The following IRS1 variants were observed in gnomAD, a reference collection of about 807,000 sequenced individuals.
IRS1 encodes the protein insulin receptor substrate 1.
IRS1 carries 34 observed loss-of-function variants against 65.6 expected under a neutral mutation model. The observed-to-expected ratio is 0.52, with a 90% CI of 0.39 to 0.69. The LOEUF (loss-of-function observed/expected upper bound fraction) is 0.69, where lower values mean the gene tolerates loss of function less well. Ranked by LOEUF, IRS1 falls within the 30% of genes least tolerant of loss-of-function variation. The pLI is 0.00. For missense variants in IRS1, 1,641 were observed against 1,720.2 expected (o/e 0.95, Z 0.81); for synonymous variants, 699 against 683.5 (o/e 1.02, Z -0.35).
chr2:226,796,978 C>G lies in IRS1; in HGVS notation c.1761G>C (p.Leu587=), dbSNP rs145193894. Residue 587 remains leucine (L), a synonymous_variant, in exon 1 of 2, where the codon CTG becomes CTC. Transcript: ENST00000305123. ...CCCGACGCTCCAAGGGGTGCATTTCCAGACCCTCCTCTGGGTAGGAGCGGG... is the reference window on the plus strand; with the variant it reads ...CCCGACGCTCCAAGGGGTGCATTTCGAGACCCTCCTCTGGGTAGGAGCGGG... ...VPTRSYPEEG[L]EMHPLERRGG... is the part of the protein sequence containing the mutation. 2.3e-5 allele frequency: 37 copies of G among 1,583,588 alleles called. No individual in the cohort carries two copies. In the African/African-American group the frequency reaches 4.8e-4, roughly 21 times the overall value.
At position 226,750,639 on chromosome 2, in the gene IRS1, G is replaced by A. The variant is rs144403832; in HGVS notation, c.*22-14389C>T. 2.6e-4 allele frequency among the ~76,000 whole-genome samples: 39 copies of A among 152,238 alleles called. 1 individual carries two copies. The East Asian group carries it at 7.5e-3, about 29-fold the overall frequency. ...GGTATTAGATTAATAAGAAGTTGAG[G>A]TACATAAATACTTGCTAAAATATTT... On this transcript the variant is annotated intron_variant, in intron 1 of 1. Coordinates refer to ENST00000305123, the MANE Select transcript of IRS1 (RefSeq NM_005544.3).
intron 1 of IRS1, among the ~76,000 whole-genome samples, chr2:226,786,844 A>C (rs77554968): frequency 1.9e-3 from 288 of 152,068 alleles, no homozygotes; most frequent in African/African-American, 6.7e-3. Context: ...ACAAACTTAA[A>C]AATAAACGTG....
rs1939672365 is a variant in IRS1, at chr2:226,794,665, T to G, written c.*21+324A>C. 6.6e-6 allele frequency among the ~76,000 whole-genome samples: 1 copy of G among 152,202 alleles called. No homozygotes were observed. The highest frequency in any genetic ancestry group is 2.1e-4 in the South Asian group (1 of 4,838). On this transcript the variant is annotated intron_variant, in intron 1 of 1. Coordinates refer to ENST00000305123, the MANE Select transcript of IRS1 (RefSeq NM_005544.3). The surrounding 1 kb of genome is among the most constrained non-coding windows in gnomAD (Gnocchi z 4.1). ...CCTAAATATATAGTGAAAAGAAAAC[T>G]TCAACAAACAAATCAAGCTTCTTAC...
chr2:226,768,633 T>C lies in IRS1; in HGVS notation c.*21+26356A>G, dbSNP rs573122770. Among the ~76,000 whole-genome samples the C allele has an allele frequency of 1.8e-4, 27 of 152,236 alleles. No individual in the cohort carries two copies. In the East Asian group the frequency reaches 3.7e-3, roughly 21 times the overall value. On this transcript the variant is annotated intron_variant, in intron 1 of 1. Transcript: ENST00000305123. ...GCTGACCTTAAAATTCATGTGAAACTAGGTTCTGGCTGTTACTAAACCAAT... is the reference window on the plus strand; with the variant it reads ...GCTGACCTTAAAATTCATGTGAAACCAGGTTCTGGCTGTTACTAAACCAAT...
In IRS1 at chr2:226,798,806, G is replaced by A; in HGVS notation, c.-68C>T. The A allele has an allele frequency of 1.3e-6, 2 of 1,557,516 alleles. No individual in the cohort carries two copies. Among genetic ancestry groups the A allele is most frequent in the African/African-American group, 1.4e-5 (1 of 73,398 alleles). Reference sequence around the variant, plus strand: ...AAAAACAACCGGGTGGGGGGCGGAGGCTCCTCGCCGCGGCCCGGCACATGC... The same window carrying A: ...AAAAACAACCGGGTGGGGGGCGGAGACTCCTCGCCGCGGCCCGGCACATGC... On this transcript the variant is annotated 5_prime_UTR_variant, in exon 1 of 2. Transcript: ENST00000305123. The surrounding 1 kb of genome is among the most constrained non-coding windows in gnomAD (Gnocchi z 9.4).
chr2:226,766,136 TATATATATATATATATATATA>T (rs1559151909), intron 1 of IRS1, among the ~76,000 whole-genome samples: 14 of 3,510 alleles, frequency 4.0e-3, no homozygotes, highest in Admixed American at 9.4e-3. Context: ...TATATATATA[TATATATATATATATATATATA>T]TATATATTTT....
At position 226,795,499 on chromosome 2, in the gene IRS1, G is replaced by T; in HGVS notation, c.3240C>A (p.Asn1080Lys). Reference sequence around the variant, plus strand: ...GGATCACTTTGGCACTCTGGTTGCGGTTAGGACTGAGGTTCACCCGGGTGA... The same window carrying T: ...GGATCACTTTGGCACTCTGGTTGCGTTTAGGACTGAGGTTCACCCGGGTGA... ...SAFTRVNLSP[N>K]RNQSAKVIRA... is the part of the protein sequence containing the mutation. The change falls in exon 1 of 2, where the codon AAC becomes AAA. Residue 1080 changes from asparagine to lysine, a missense_variant. This residue lies in a region of IRS1 where 1,324 missense variants were observed against 1,361.0 expected (regional missense o/e 0.97). Coordinates refer to ENST00000305123, the MANE Select transcript of IRS1 (RefSeq NM_005544.3). 1 of 1,613,496 alleles carries T rather than the reference G, an allele frequency of 6.2e-7. No individual in the cohort carries two copies. The highest frequency in any genetic ancestry group is 8.5e-7 in the Non-Finnish European group (1 of 1,180,018).
intron 1 of IRS1, among the ~76,000 whole-genome samples, chr2:226,739,951 C>T (rs898246107): frequency 1.3e-5 from 2 of 152,246 alleles, no homozygotes; most frequent in African/African-American, 2.4e-5. Flanking sequence ...CATAGGCGTA[C>T]ATATGTTTAA....
chr2:226,781,644 C>T (rs541135290), intron 1 of IRS1, among the ~76,000 whole-genome samples: 2 of 152,202 alleles, frequency 1.3e-5, no homozygotes, highest in Non-Finnish European at 2.9e-5. Flanking sequence ...GAGGCTAAAG[C>T]ACCAGCCATT....
In IRS1 at chr2:226,732,762, A is replaced by G. The variant is rs1938254695; in HGVS notation, c.*3510T>C. The G allele has an allele frequency of 1.3e-5, 2 of 151,640 alleles. No individual in the cohort carries two copies. Among genetic ancestry groups the G allele is most frequent in the Admixed American group, 1.3e-4 (2 of 15,196 alleles). The allele number at this position is 151,640 out of a possible 1,614,324, so 9.4% of individuals were successfully genotyped here. ...ACAGCATTACCTCCAACTAACATTC[A>G]TCATTCATGGCATCCTAGGAACATT... is the stretch of plus-strand genomic sequence containing the variant. On this transcript the variant is annotated 3_prime_UTR_variant, in exon 2 of 2. Coordinates refer to ENST00000305123, the MANE Select transcript of IRS1 (RefSeq NM_005544.3).
chr2:226,746,303 G>A (rs2106160423), intron 1 of IRS1, among the ~76,000 whole-genome samples: 1 of 152,252 alleles, frequency 6.6e-6, no homozygotes, highest in South Asian at 2.1e-4. Flanking sequence ...GGGGGTGGGG[G>A]CAGGGAATTG....
At chr2:226,736,799 A>G (rs1045178510) in intron 1 of IRS1, among the ~76,000 whole-genome samples, 4 of 152,224 alleles carry the variant, frequency 2.6e-5, no homozygotes, top group Middle Eastern at 3.2e-3. Context: ...ATTAAATAAG[A>G]AAACAAAAAG....
chr2:226,752,882 C>T (rs972985500), intron 1 of IRS1, among the ~76,000 whole-genome samples: 5 of 152,364 alleles, frequency 3.3e-5, no homozygotes, highest in African/African-American at 1.2e-4. Context: ...ATCAGCCTCA[C>T]TGAGCTGCGG....
chr2:226,770,532 G>A (rs1003908672), intron 1 of IRS1, among the ~76,000 whole-genome samples: 1 of 152,154 alleles, frequency 6.6e-6, no homozygotes, highest in African/African-American at 2.4e-5. Context: ...AGCCAAAATA[G>A]TGAATGGCTT....
chr2:226,796,721 G>A lies in IRS1; in HGVS notation c.2018C>T (p.Pro673Leu). 1.9e-6 allele frequency: 3 copies of A among 1,613,278 alleles called. No individual in the cohort carries two copies. The highest frequency in any genetic ancestry group is 4.5e-5 in the East Asian group (2 of 44,840). Residue 673 changes from proline (P) to leucine (L), a missense_variant, in exon 1 of 2, where the codon CCT (proline) becomes CTT (leucine). Physicochemically the swap from Pro to Leu is moderately conservative, Grantham distance 98 (BLOSUM62 -3). This residue lies in a region of IRS1 where 1,324 missense variants were observed against 1,361.0 expected (regional missense o/e 0.97). Coordinates refer to ENST00000305123, the MANE Select transcript of IRS1 (RefSeq NM_005544.3). ...GCTGCTGGGGCCACCTCCAATGTCA[G>A]GAGAGCAGCCACCGCTGGGGGACAT... Reference protein sequence around the residue: ...MMMSPSGGCSPDIGGGPSSSS... With the variant: ...MMMSPSGGCSLDIGGGPSSSS...
At chr2:226,745,950 G>C (rs758391221) in intron 1 of IRS1, among the ~76,000 whole-genome samples, 5 of 152,102 alleles carry the variant, frequency 3.3e-5, no homozygotes, top group Non-Finnish European at 7.4e-5. Context: ...AGTAAAAGTA[G>C]CAGTAGTAGT....
chr2:226,737,898 T>G (rs1478927585), intron 1 of IRS1, among the ~76,000 whole-genome samples: 1 of 152,026 alleles, frequency 6.6e-6, no homozygotes, highest in Non-Finnish European at 1.5e-5. Context: ...GTTAAATAAA[T>G]GAAAAGGAAA....
In IRS1 at chr2:226,795,771, TGTA is replaced by T. The variant is rs758765862; in HGVS notation, c.2965_2967del (p.Tyr989del). 1.7e-5 allele frequency: 27 copies of T among 1,613,354 alleles called. No homozygotes were observed. The highest frequency in any genetic ancestry group is 2.3e-5 in the Non-Finnish European group (27 of 1,179,998). On this transcript the variant is annotated inframe_deletion, in exon 1 of 2. Transcript: ENST00000305123. The stretch of plus-strand genomic sequence containing the variant: ...CGGGGACAACTCATCTGCATGGTCA[TGTA>T]GTCACCCCGGCTGCTGGGCACTGCC...
intron 1 of IRS1, among the ~76,000 whole-genome samples, chr2:226,741,808 CACACACACACACACACACATA>C (rs1938443205): frequency 6.7e-6 from 1 of 149,000 alleles, no homozygotes; most frequent in Admixed American, 6.8e-5. Context: ...CACACACACA[CACACACACACACACACACATA>C]ACACACACAC....
Sources: gnomAD v4.1 joint callset for allele counts (sites outside exome capture counted in the v4.1 genomes callset) on GRCh38, gnomAD v4.1.1 for gene constraint, gnomAD v4.1.1 regional missense constraint, Gnocchi (gnomAD v3.1) non-coding constraint, MANE v1.5 for transcripts, NCBI Gene and HGNC (gene_info 2026-07-23, HGNC 2026-07-21) for gene names.